Variants in TULP4 observed in about 807,000 individuals in gnomAD.
The protein encoded by TULP4 is TUB like protein 4.
In TULP4, 16 loss-of-function variants were observed where a neutral mutation model predicts 129.0. That is an observed-to-expected ratio of 0.12 (90% confidence interval 0.08 to 0.19). The LOEUF is 0.19. Ranked by LOEUF, TULP4 falls within the 10% of genes least tolerant of loss-of-function variation. TULP4 has a pLI of 1.00. For missense variants in TULP4, 1,842 were observed against 2,059.1 expected, an observed-to-expected ratio of 0.89 and a Z score of 2.04; for synonymous variants, 998 against 854.0, an observed-to-expected ratio of 1.17 and a Z score of -2.94.
At chr6:158,489,784 T>A in intron 9 of TULP4, 52 bp downstream of exon 9, 4 of 1,603,930 alleles carry the variant, frequency 2.5e-6, no homozygotes, top group Non-Finnish European at 2.6e-6. Context: ...TGAATATGTG[T>A]GTTTGTGCCT....
At chr6:158,391,953 A>G (rs1777594131) in intron 1 of TULP4, among the ~76,000 whole-genome samples, 1 of 152,202 alleles carries the variant, frequency 6.6e-6, no homozygotes, top group South Asian at 2.1e-4. Context: ...TTAGTAAATA[A>G]TGTTAAATGT....
At chr6:158,366,125 G>C (rs183847003) in intron 1 of TULP4, among the ~76,000 whole-genome samples, 1 of 151,502 alleles carries the variant, frequency 6.6e-6, no homozygotes, top group African/African-American at 2.4e-5. Flanking sequence ...GGATGGTCTC[G>C]ATCTCCTGAT....
Position 158,241,913 on chromosome 6 carries a change from C to T in TULP4, n.68+9610C>T. On this transcript the variant is annotated intron_variant and non_coding_transcript_variant, in intron 1 of 1. Coordinates refer to the TULP4 transcript ENST00000620026. ...AGGCCAGCTTTGTTAAATTCTATAG[C>T]TTGTAGTTGTTTCTTGGAAAGCTTA... 5.2e-6 allele frequency: 4 copies of T among 775,810 alleles called. No homozygotes were observed. In the South Asian group the frequency reaches 5.4e-5, roughly 10 times the overall value. 48.1% of individuals were successfully genotyped at this position (775,810 alleles called of 1,614,324 possible). A position where few individuals can be genotyped will look rare whatever the true frequency, so the allele number is the denominator to read the frequency against.
chr6:158,313,933 AAC>A lies in TULP4; in HGVS notation c.-80_-79del. ...AAAAGCAACGCAAGCCAACCACAAAAACACATATACCAATGAAAGAAATTGGT... is the reference window on the plus strand; with the variant it reads ...AAAAGCAACGCAAGCCAACCACAAAAACATATACCAATGAAAGAAATTGGT... On this transcript the variant is annotated 5_prime_UTR_variant, in exon 1 of 14. Transcript: ENST00000367097. 6.6e-7 allele frequency: 1 copy of A among 1,513,688 alleles called. No homozygotes were observed. The highest frequency in any genetic ancestry group is 8.9e-7 in the Non-Finnish European group (1 of 1,127,820). The allele number at this position is 1,513,688 out of a possible 1,614,324, so 93.8% of individuals were successfully genotyped here. A position where few individuals can be genotyped will look rare whatever the true frequency, so the allele number is the denominator to read the frequency against.
chr6:158,370,081 G>T (rs765226948), intron 1 of TULP4, among the ~76,000 whole-genome samples: 31 of 152,008 alleles, frequency 2.0e-4, no homozygotes, highest in Non-Finnish European at 3.5e-4. Flanking sequence ...GCATCGTGGC[G>T]CATGCCAGTG....
chr6:158,365,661 G>T (rs530473184), intron 1 of TULP4, among the ~76,000 whole-genome samples: 7 of 150,262 alleles, frequency 4.7e-5, no homozygotes, highest in African/African-American at 1.2e-4. Flanking sequence ...TTAGTAGAGA[G>T]GGGGTTTCAC....
intron 6 of TULP4, among the ~76,000 whole-genome samples, chr6:158,474,603 C>T (rs1446815584): frequency 1.3e-5 from 2 of 152,150 alleles, no homozygotes; most frequent in Non-Finnish European, 2.9e-5. Flanking sequence ...CTCTGGCTCT[C>T]GCTCAACACT....
At chr6:158,248,802 T>C (rs762046265) in intron 1 of TULP4, among the ~76,000 whole-genome samples, 2 of 152,102 alleles carry the variant, frequency 1.3e-5, no homozygotes, top group Non-Finnish European at 2.9e-5. Context: ...CTGGATTTAA[T>C]GTATCTGAGA....
At chr6:158,375,524 A>C (rs566580525) in intron 1 of TULP4, among the ~76,000 whole-genome samples, 1 of 152,320 alleles carries the variant, frequency 6.6e-6, no homozygotes, top group East Asian at 1.9e-4. Flanking sequence ...AACAGGAGTG[A>C]GAGGTGTTTC....
chr6:158,467,486 T>C (rs1477996992), intron 6 of TULP4, among the ~76,000 whole-genome samples: 8 of 152,104 alleles, frequency 5.3e-5, no homozygotes, highest in African/African-American at 1.9e-4. Flanking sequence ...TTTTACCATG[T>C]TGGCCAGGCT....
At chr6:158,309,892 AGG>A (rs1779309655), upstream of TULP4, among the ~76,000 whole-genome samples, 1 of 25,228 alleles carries the variant, frequency 4.0e-5, no homozygotes, top group Admixed American at 6.4e-4. Flanking sequence ...AGAGAGGGAG[AGG>A]GAGACCGTGG....
chr6:158,288,397 AT>A (rs1395252300), intron 1 of TULP4, among the ~76,000 whole-genome samples: 6 of 151,942 alleles, frequency 3.9e-5, no homozygotes, highest in Non-Finnish European at 8.8e-5. Flanking sequence ...AGACATCTTT[AT>A]CTTAATTCTT....
chr6:158,485,142 T>C (rs1188632963), intron 8 of TULP4, among the ~76,000 whole-genome samples: 1 of 152,222 alleles, frequency 6.6e-6, no homozygotes, highest in African/African-American at 2.4e-5. Context: ...TGTTTACTGT[T>C]TCATGGAAGG....
intron 8 of TULP4, chr6:158,481,644 A>G (rs1045557927): frequency 3.3e-6 from 1 of 307,580 alleles, no homozygotes; most frequent in Non-Finnish European, 6.3e-6. Flanking sequence ...ACTTGAAAAT[A>G]ATAACAAGAT....
At chr6:158,399,200 G>T (rs529246324) in intron 1 of TULP4, among the ~76,000 whole-genome samples, 8 of 152,340 alleles carry the variant, frequency 5.3e-5, no homozygotes, top group African/African-American at 1.9e-4. Flanking sequence ...TTTCTAGGCA[G>T]TGAATGACCT....
intron 3 of TULP4, among the ~76,000 whole-genome samples, chr6:158,432,448 A>G (rs1474544554): frequency 6.6e-6 from 1 of 152,210 alleles, no homozygotes; most frequent in Non-Finnish European, 1.5e-5. Flanking sequence ...TGCTTCCCTG[A>G]GAACTTTCTG....
rs1368816394 is a variant in TULP4 at position 158,489,649 on chromosome 6, C to G, written c.1548C>G (p.Ser516=). The part of the protein sequence containing the change: ...TVIDSCNCSD[S]SDIELSDDWA... ...TCGACAGCTGCAACTGCTCAGACTC[C>G]AGTGACATTGAGCTGAGTGATGACT... Residue 516 remains serine, a synonymous_variant, in exon 9 of 14, where the codon TCC becomes TCG. Transcript: ENST00000367097. 1.2e-6 allele frequency: 2 copies of G among 1,614,074 alleles called. No homozygotes were observed. The highest frequency in any genetic ancestry group is 1.3e-5 in the African/African-American group (1 of 74,922).
chr6:158,346,387 C>T (rs1305925370), intron 1 of TULP4, among the ~76,000 whole-genome samples: 1 of 152,216 alleles, frequency 6.6e-6, no homozygotes. Context: ...TTTGGGGTCC[C>T]TGACTTCCTG....
intron 4 of TULP4, among the ~76,000 whole-genome samples, chr6:158,449,620 G>A (rs1779124619): frequency 6.6e-6 from 1 of 152,130 alleles, no homozygotes; most frequent in South Asian, 2.1e-4. Flanking sequence ...GATTTGTTTT[G>A]CCATAATGAA....
Sources: allele counts gnomAD v4.1 joint callset (sites outside exome capture counted in the v4.1 genomes callset), GRCh38; gene constraint gnomAD v4.1.1; transcripts MANE v1.5; gene names NCBI Gene and HGNC (gene_info 2026-07-23, HGNC 2026-07-21).